The following LRRC3B variants were observed in gnomAD, a reference collection of about 807,000 sequenced individuals.
LRRC3B encodes the protein leucine-rich repeat-containing protein 3B.
LRRC3B carries 2 observed loss-of-function variants against 12.8 expected under a neutral mutation model. The ratio of observed to expected loss-of-function variants is 0.16; its 90% CI spans 0.06 to 0.49. The LOEUF (loss-of-function observed/expected upper bound fraction) is 0.49. Ranked by LOEUF, LRRC3B falls within the 20% of genes least tolerant of loss-of-function variation. The pLI, the probability that LRRC3B is intolerant of heterozygous loss-of-function variation, is 0.96. For synonymous variants in LRRC3B, 132 were observed against 122.0 expected (o/e 1.08, Z -0.54); for missense variants, 189 against 319.4 (o/e 0.59, Z 3.11).
intron 1 of LRRC3B, among the ~76,000 whole-genome samples, chr3:26,695,041 CGT>C (rs57701247): frequency 2.0e-5 from 3 of 150,702 alleles, no homozygotes; most frequent in Admixed American, 6.6e-5. Flanking sequence ...AAAGCTTTTG[CGT>C]GTGTGTGTGT....
At chr3:26,665,168 A>G (rs1699573939) in intron 1 of LRRC3B, among the ~76,000 whole-genome samples, 1 of 152,038 alleles carries the variant, frequency 6.6e-6, no homozygotes, top group African/African-American at 2.4e-5. Flanking sequence ...CATCCACAGC[A>G]TCTCCTTCTG....
chr3:26,698,998 T>C (rs1338590186), intron 1 of LRRC3B, among the ~76,000 whole-genome samples: 1 of 152,188 alleles, frequency 6.6e-6, no homozygotes, highest in East Asian at 1.9e-4. Context: ...CTTTTCTTTA[T>C]CTAGAACAGT....
intron 1 of LRRC3B, among the ~76,000 whole-genome samples, chr3:26,633,381 C>T (rs956226204): frequency 1.3e-5 from 2 of 152,166 alleles, no homozygotes; most frequent in African/African-American, 4.8e-5. Flanking sequence ...AATGAATTAA[C>T]ATGAACAAGG....
intron 1 of LRRC3B, among the ~76,000 whole-genome samples, chr3:26,644,472 G>A (rs1699100438): frequency 6.6e-6 from 1 of 152,156 alleles, no homozygotes; most frequent in African/African-American, 2.4e-5. Context: ...CAATTAGGGG[G>A]AACAATCAGA....
At chr3:26,681,667 A>G (rs1014932448) in intron 1 of LRRC3B, among the ~76,000 whole-genome samples, 1 of 152,228 alleles carries the variant, frequency 6.6e-6, no homozygotes, top group African/African-American at 2.4e-5. Context: ...GGCCGAATAA[A>G]TGTCAGCCAC....
intron 1 of LRRC3B, among the ~76,000 whole-genome samples, chr3:26,672,620 C>A (rs531296939): frequency 6.6e-6 from 1 of 152,140 alleles, no homozygotes; most frequent in South Asian, 2.1e-4. Context: ...TATTGTTAAA[C>A]GTAAAATCTC....
At chr3:26,677,334 C>T (rs1575152852) in intron 1 of LRRC3B, among the ~76,000 whole-genome samples, 1 of 152,170 alleles carries the variant, frequency 6.6e-6, no homozygotes, top group South Asian at 2.1e-4. Context: ...AACTGTACTT[C>T]CCATAATGTT....
At chr3:26,630,350 G>T (rs1698730302) in intron 1 of LRRC3B, among the ~76,000 whole-genome samples, 1 of 152,152 alleles carries the variant, frequency 6.6e-6, no homozygotes, top group Non-Finnish European at 1.5e-5. Context: ...AAGCCTGCGG[G>T]CCCTGGAATG....
intron 1 of LRRC3B, among the ~76,000 whole-genome samples, chr3:26,662,687 G>C (rs749485932): frequency 3.9e-5 from 6 of 152,124 alleles, no homozygotes; most frequent in Non-Finnish European, 8.8e-5. Context: ...TTCTTGAAGA[G>C]AGTGTGGCTA....
At chr3:26,710,611 T>A (rs767720696) in exon 2 of LRRC3B, 198 of 715,444 alleles carry the variant, frequency 2.8e-4, no homozygotes, top group Middle Eastern at 1.7e-3. Context: ...CACTACAACA[T>A]AAATAATTTG....
chr3:26,645,465 TAG>T (rs920509292), intron 1 of LRRC3B, among the ~76,000 whole-genome samples: 1 of 152,182 alleles, frequency 6.6e-6, no homozygotes, highest in Non-Finnish European at 1.5e-5. Flanking sequence ...CTAGATTGCA[TAG>T]ACTTTATTTA....
intron 1 of LRRC3B, among the ~76,000 whole-genome samples, chr3:26,694,037 G>A (rs187136212): frequency 2.0e-5 from 3 of 152,198 alleles, no homozygotes; most frequent in Admixed American, 2.0e-4. Flanking sequence ...GTTGGTGGTG[G>A]GTGTTTCTCT....
At chr3:26,638,743 C>A (rs1261071006) in intron 1 of LRRC3B, among the ~76,000 whole-genome samples, 2 of 152,164 alleles carry the variant, frequency 1.3e-5, no homozygotes, top group African/African-American at 4.8e-5. Flanking sequence ...TCTCTGAGAA[C>A]CAGTGGTATA....
chr3:26,693,224 G>T (rs186366417), intron 1 of LRRC3B, among the ~76,000 whole-genome samples: 2 of 148,624 alleles, frequency 1.3e-5, no homozygotes, highest in South Asian at 4.2e-4. Flanking sequence ...AGCTACACAG[G>T]AGGCTGAGGC....
chr3:26,685,480 TCTCTCC>T (rs1559366486), intron 1 of LRRC3B, among the ~76,000 whole-genome samples: 1 of 100,302 alleles, frequency 1.0e-5, no homozygotes, highest in Non-Finnish European at 1.9e-5. Context: ...TATGGTAGAC[TCTCTCC>T]CTCTCTCTCT....
intron 1 of LRRC3B, among the ~76,000 whole-genome samples, chr3:26,666,207 A>AAAG (rs1218383439): frequency 1.3e-5 from 2 of 152,278 alleles, no homozygotes; most frequent in Admixed American, 1.3e-4. Context: ...TACAGAGAAA[A>AAAG]AAGACGTCAA....
intron 1 of LRRC3B, among the ~76,000 whole-genome samples, chr3:26,706,041 G>A (rs73150450): frequency 0.016 from 2,452 of 152,254 alleles, 24 homozygotes; most frequent in African/African-American, 0.034. Context: ...TCTGGAGCCT[G>A]CAAAGCTCAA....
In LRRC3B at chr3:26,671,367, T is replaced by TAGAGAGAGAG. The variant is rs1480789861; in HGVS notation, c.-160-38145_-160-38144insGAGAGAGAGA. ...ATATGTGTGTATATATATATATATA[T>TAGAGAGAGAG]ATATATAGAGAGAGAGAGAGAGAGA... On this transcript the variant is annotated intron_variant, in intron 1 of 1. Coordinates refer to ENST00000396641, the Ensembl canonical transcript of LRRC3B. 9.4e-4 allele frequency among the ~76,000 whole-genome samples: 38 copies of TAGAGAGAGAG among 40,296 alleles called. 1 individual carries two copies. Among genetic ancestry groups the TAGAGAGAGAG allele is most frequent in the East Asian group, 4.5e-3 (3 of 664 alleles). 26.4% of individuals were successfully genotyped at this position (40,296 alleles called of 152,430 possible). A position where few individuals can be genotyped will look rare whatever the true frequency, so the allele number is the denominator to read the frequency against.
At chr3:26,674,955 T>A (rs1421438675) in intron 1 of LRRC3B, among the ~76,000 whole-genome samples, 1 of 152,198 alleles carries the variant, frequency 6.6e-6, no homozygotes, top group Non-Finnish European at 1.5e-5. Context: ...CCAAGTAGTT[T>A]TATGTTGGGC....
Sources: gnomAD v4.1 joint callset for allele counts (sites outside exome capture counted in the v4.1 genomes callset) on GRCh38, gnomAD v4.1.1 for gene constraint, MANE v1.5 for transcripts, NCBI Gene and HGNC (gene_info 2026-07-23, HGNC 2026-07-21) for gene names.